Variants in ZCCHC7 observed in about 807,000 individuals in gnomAD.
The protein encoded by ZCCHC7 is zinc finger CCHC domain-containing protein 7.
A neutral mutation model predicts 52.0 loss-of-function variants in ZCCHC7; 35 were observed. That is an observed-to-expected ratio of 0.67 (90% confidence interval 0.51 to 0.89). ZCCHC7 has a LOEUF of 0.89. Among genes scored for constraint, ZCCHC7 ranks in the 40% least tolerant of loss-of-function variants. The pLI is 0.00. For synonymous variants in ZCCHC7, 217 were observed against 221.5 expected (o/e 0.98, Z 0.18); for missense variants, 574 against 649.1 (o/e 0.88, Z 1.26).
chr9:37,142,583 T>G (rs1273813161), intron 2 of ZCCHC7, among the ~76,000 whole-genome samples: 2 of 151,854 alleles, frequency 1.3e-5, no homozygotes, highest in Admixed American at 1.3e-4. Flanking sequence ...GCAATTTCTT[T>G]TAAATCAGTG....
intron 2 of ZCCHC7, among the ~76,000 whole-genome samples, chr9:37,210,801 C>T (rs113034433): frequency 7.2e-5 from 11 of 152,226 alleles, no homozygotes; most frequent in African/African-American, 1.9e-4. Flanking sequence ...TTTCTATCCT[C>T]AACCTTTAGG....
intron 5 of ZCCHC7, among the ~76,000 whole-genome samples, chr9:37,314,796 T>A (rs1382580494): frequency 6.6e-6 from 1 of 151,558 alleles, no homozygotes; most frequent in Non-Finnish European, 1.5e-5. Context: ...GCTTTCTGAT[T>A]GGGTTTTGAA....
At chr9:37,272,720 T>G (rs577618372) in intron 2 of ZCCHC7, among the ~76,000 whole-genome samples, 1 of 152,332 alleles carries the variant, frequency 6.6e-6, no homozygotes, top group South Asian at 2.1e-4. Flanking sequence ...TGTATATTCA[T>G]GTATGTATAA....
chr9:37,263,892 A>G (rs1031341967), intron 2 of ZCCHC7, among the ~76,000 whole-genome samples: 1 of 152,262 alleles, frequency 6.6e-6, no homozygotes, highest in African/African-American at 2.4e-5. Context: ...CGTAGAAAAC[A>G]TGAAAATCAC....
intron 6 of ZCCHC7, among the ~76,000 whole-genome samples, chr9:37,329,817 GTCAA>G (rs1830386327): frequency 6.6e-6 from 1 of 151,854 alleles, no homozygotes; most frequent in South Asian, 2.1e-4. Context: ...TGAATGTTGA[GTCAA>G]TCAGCGCAGT....
At position 37,263,790 on chromosome 9, in the gene ZCCHC7, C is replaced by G. The variant is rs182081829; in HGVS notation, c.611-38398C>G. 1.9e-3 allele frequency among the ~76,000 whole-genome samples: 286 copies of G among 152,244 alleles called. 3 individuals carry two copies. In the South Asian group the frequency reaches 0.021, roughly 11 times the overall value. ...CCTTTTTCAAGTTAAGACAGAAAAC[C>G]CAGCCAATCAATTCAGTTTTGATAG... On this transcript the variant is annotated intron_variant, in intron 2 of 8. Transcript: ENST00000336755.
At chr9:37,190,762 A>G (rs921243454) in intron 2 of ZCCHC7, among the ~76,000 whole-genome samples, 1 of 152,114 alleles carries the variant, frequency 6.6e-6, no homozygotes, top group African/African-American at 2.4e-5. Flanking sequence ...TCACGCCTGT[A>G]AATCCCAGCA....
chr9:37,308,587 T>C (rs1330388487), intron 5 of ZCCHC7, among the ~76,000 whole-genome samples: 1 of 152,160 alleles, frequency 6.6e-6, no homozygotes, highest in Non-Finnish European at 1.5e-5. Flanking sequence ...AAAATGAGAA[T>C]TAATAATCCC....
intron 2 of ZCCHC7, among the ~76,000 whole-genome samples, chr9:37,218,765 C>T (rs576726222): frequency 2.0e-5 from 3 of 152,198 alleles, no homozygotes; most frequent in African/African-American, 4.8e-5. Flanking sequence ...GCCGAGATTG[C>T]GCCACTGCAC....
At chr9:37,150,970 T>G (rs531324820) in intron 2 of ZCCHC7, among the ~76,000 whole-genome samples, 4 of 146,090 alleles carry the variant, frequency 2.7e-5, no homozygotes, top group Non-Finnish European at 5.9e-5. Flanking sequence ...TTTTTTGTTT[T>G]TTTTTTTTTT....
At chr9:37,126,114 T>G (rs1588337861) in intron 1 of ZCCHC7, among the ~76,000 whole-genome samples, 198 bp from the exon 2 acceptor site, 1 of 152,226 alleles carries the variant, frequency 6.6e-6, no homozygotes, top group East Asian at 1.9e-4. Context: ...GTAGTAATTC[T>G]CGTTGGGGAG....
intron 2 of ZCCHC7, among the ~76,000 whole-genome samples, chr9:37,288,540 T>A (rs1828375542): frequency 6.6e-6 from 1 of 152,050 alleles, no homozygotes; most frequent in Non-Finnish European, 1.5e-5. Flanking sequence ...CAAACATTTG[T>A]CTATATTTAC....
chr9:37,130,334 CTTTTTTTTTTTTTTT>C (rs34589957), intron 2 of ZCCHC7, among the ~76,000 whole-genome samples: 2 of 63,100 alleles, frequency 3.2e-5, no homozygotes, highest in Admixed American at 2.6e-4. Context: ...GAATTCTCTC[CTTTTTTTTTTTTTTT>C]TTTTTTTTTT....
At chr9:37,181,552 G>A (rs1822354754) in intron 2 of ZCCHC7, among the ~76,000 whole-genome samples, 1 of 152,212 alleles carries the variant, frequency 6.6e-6, no homozygotes, top group African/African-American at 2.4e-5. Flanking sequence ...AAGGAATGAA[G>A]TACAGATTCA....
intron 2 of ZCCHC7, among the ~76,000 whole-genome samples, chr9:37,157,007 T>G (rs1167172857): frequency 6.6e-6 from 1 of 151,962 alleles, no homozygotes; most frequent in African/African-American, 2.4e-5. Context: ...ACTATTTTCA[T>G]CATAGTAAGA....
intron 2 of ZCCHC7, among the ~76,000 whole-genome samples, chr9:37,172,198 C>G (rs1442350237): frequency 1.3e-5 from 2 of 152,158 alleles, no homozygotes; most frequent in Non-Finnish European, 2.9e-5. Context: ...TTATGCACAC[C>G]TTGACTAAGT....
chr9:37,291,486 TATG>T (rs1828534143), intron 2 of ZCCHC7, among the ~76,000 whole-genome samples: 1 of 152,210 alleles, frequency 6.6e-6, no homozygotes, highest in African/African-American at 2.4e-5. Context: ...TTTTATATTT[TATG>T]ATATTTGTGC....
chr9:37,198,868 A>C (rs1033262421), intron 2 of ZCCHC7, among the ~76,000 whole-genome samples: 1 of 152,210 alleles, frequency 6.6e-6, no homozygotes, highest in African/African-American at 2.4e-5. Flanking sequence ...ACTCGTGTTC[A>C]ATACCTTTTT....
chr9:37,205,187 A>G, intron 2 of ZCCHC7: 1 of 378,478 alleles, frequency 2.6e-6, no homozygotes, highest in South Asian at 2.5e-5. Flanking sequence ...GTTTGTTTAC[A>G]ACAATGCCAA....
Sources: gnomAD v4.1 joint callset for allele counts (sites outside exome capture counted in the v4.1 genomes callset) on GRCh38, gnomAD v4.1.1 for gene constraint, MANE v1.5 for transcripts, NCBI Gene and HGNC (gene_info 2026-07-23, HGNC 2026-07-21) for gene names.